NTPCR: variants seen among roughly 807,000 people sequenced by gnomAD.
The protein encoded by NTPCR is nucleoside-triphosphatase, cancer-related, also known as cancer-related nucleoside-triphosphatase.
A neutral mutation model predicts 19.5 loss-of-function variants in NTPCR; 15 were observed. That is an observed-to-expected ratio of 0.77 (90% CI 0.51 to 1.18). NTPCR has a LOEUF of 1.18. Ranked by LOEUF, NTPCR falls within the 50% of genes most tolerant of loss-of-function variation. The pLI, the probability that NTPCR is intolerant of heterozygous loss-of-function variation, is 0.00. For missense variants in NTPCR, 206 were observed against 240.4 expected, an observed-to-expected ratio of 0.86 and a Z score of 0.95; for synonymous variants, 90 against 95.8, an observed-to-expected ratio of 0.94 and a Z score of 0.36.
intron 1 of NTPCR, among the ~76,000 whole-genome samples, chr1:232,954,372 A>G (rs77891049): frequency 0.052 from 7,991 of 152,320 alleles, 261 homozygotes; most frequent in Middle Eastern, 0.13. Context: ...TTTTATGTCA[A>G]GGAGGCTTAA....
rs752625201 is a variant in NTPCR, at chr1:232,955,544, T to A, written c.35-13T>A. The A allele has an allele frequency of 3.0e-5, 45 of 1,494,084 alleles. No homozygotes were observed. The highest frequency in any genetic ancestry group is 4.9e-4 in the Middle Eastern group (2 of 4,104). The allele number at this position is 1,494,084 out of a possible 1,614,324, so 92.6% of individuals were successfully genotyped here. A position where few individuals can be genotyped will look rare whatever the true frequency, so the allele number is the denominator to read the frequency against. On this transcript the variant is annotated splice_polypyrimidine_tract_variant and intron_variant, in intron 1 of 4. Coordinates refer to ENST00000366628, the MANE Select transcript of NTPCR (RefSeq NM_032324.3). ...GGGCTTTTCTTCTTTTTTTTTTTTT[T>A]TTTTTATTTTAGGAGTTGGAAAAAC...
intron 4 of NTPCR, among the ~76,000 whole-genome samples, chr1:232,973,374 ATAGAG>A (rs752631050): frequency 1.1e-4 from 16 of 152,332 alleles, no homozygotes; most frequent in Admixed American, 3.9e-4. Flanking sequence ...TTTAGACAAG[ATAGAG>A]TAGACACACT....
chr1:232,955,683 C>A lies in NTPCR; in HGVS notation c.161C>A (p.Thr54Lys), dbSNP rs761777067. The A allele has an allele frequency of 5.6e-6, 9 of 1,613,956 alleles. No individual in the cohort carries two copies. The Admixed American group carries it at 1.2e-4, about 21-fold the overall frequency. Residue 54 changes from threonine to lysine, a missense_variant, in exon 2 of 5, where the codon ACG becomes AAG. By Grantham distance (78) the Thr-to-Lys change is moderately conservative (BLOSUM62 -1). Coordinates refer to ENST00000366628, the MANE Select transcript of NTPCR (RefSeq NM_032324.3). ...GGRRIGFDVV[T>K]LSGTRGPLSR... The stretch of plus-strand genomic sequence containing the variant: ...AGAAGAATAGGATTCGATGTCGTCA[C>A]GTTGTCCGGCACCCGGGGGCCTTTA...
intron 3 of NTPCR, among the ~76,000 whole-genome samples, chr1:232,959,857 A>G (rs1668620097): frequency 6.6e-6 from 1 of 152,084 alleles, no homozygotes; most frequent in Non-Finnish European, 1.5e-5. Flanking sequence ...AAAAATAAGA[A>G]AAAAGTACTT....
rs2102765348 is a variant in NTPCR at position 232,980,798 on chromosome 1, A to T, written c.*2567A>T. 6.6e-6 allele frequency: 1 copy of T among 152,348 alleles called. No homozygotes were observed. The highest frequency in any genetic ancestry group is 3.4e-3 in the Middle Eastern group (1 of 294). 9.4% of individuals were successfully genotyped at this position (152,348 alleles called of 1,614,324 possible). A position where few individuals can be genotyped will look rare whatever the true frequency, so the allele number is the denominator to read the frequency against. On this transcript the variant is annotated 3_prime_UTR_variant, in exon 5 of 5. Transcript: ENST00000366628. ...CACGCAGCCAGGATGAGAGGAGCAG[A>T]GCTGAGCGCCACCTCCCTGTCGGTG...
intron 4 of NTPCR, among the ~76,000 whole-genome samples, chr1:232,975,522 A>G (rs759682290): frequency 1.3e-5 from 2 of 152,202 alleles, no homozygotes; most frequent in Non-Finnish European, 2.9e-5. Flanking sequence ...CAAGAAAGCA[A>G]AACAAAACCA....
In NTPCR at chr1:232,980,533, G is replaced by C. The variant is rs1361243886; in HGVS notation, c.*2302G>C. On this transcript the variant is annotated 3_prime_UTR_variant, in exon 5 of 5. Coordinates refer to ENST00000366628, the MANE Select transcript of NTPCR (RefSeq NM_032324.3). ...ATCCAAAGAACGTTTAGTGTCTCTT[G>C]TGGTGAGGTCCTGAAATGATTGTTG... The C allele has an allele frequency of 6.6e-6, 1 of 152,204 alleles. No individual in the cohort carries two copies. The highest frequency in any genetic ancestry group is 1.5e-5 in the Non-Finnish European group (1 of 68,038). 9.4% of individuals were successfully genotyped at this position (152,204 alleles called of 1,614,324 possible). A position where few individuals can be genotyped will look rare whatever the true frequency, so the allele number is the denominator to read the frequency against.
chr1:232,969,853 G>T, intron 3 of NTPCR, 56 bp from the exon 4 acceptor site: 1 of 1,413,430 alleles, frequency 7.1e-7, no homozygotes. Flanking sequence ...TGGGACCCAT[G>T]GGCCCTTTGA....
At chr1:232,953,267 A>G (rs1668423294) in intron 1 of NTPCR, among the ~76,000 whole-genome samples, 1 of 152,226 alleles carries the variant, frequency 6.6e-6, no homozygotes, top group Non-Finnish European at 1.5e-5. Context: ...AACCAGAACC[A>G]AAATAATTCC....
chr1:232,967,138 G>A (rs1004250441), intron 3 of NTPCR: 2 of 151,948 alleles, frequency 1.3e-5, no homozygotes, highest in African/African-American at 2.4e-5. Flanking sequence ...ATGTAAAGGG[G>A]GTGAATGTTT....
In NTPCR at chr1:232,980,808, C is replaced by T. The variant is rs1229210559; in HGVS notation, c.*2577C>T. ...GGATGAGAGGAGCAGAGCTGAGCGC[C>T]ACCTCCCTGTCGGTGCCACGGCTGA... On this transcript the variant is annotated 3_prime_UTR_variant, in exon 5 of 5. Transcript: ENST00000366628. The T allele has an allele frequency of 6.6e-6, 1 of 152,256 alleles. No homozygotes were observed. Among genetic ancestry groups the T allele is most frequent in the African/African-American group, 2.4e-5 (1 of 41,434 alleles). 9.4% of individuals were successfully genotyped at this position (152,256 alleles called of 1,614,324 possible). A position where few individuals can be genotyped will look rare whatever the true frequency, so the allele number is the denominator to read the frequency against.
rs759544845 is a variant in NTPCR at position 232,950,738 on chromosome 1, C to T, written c.28C>T (p.Pro10Ser). 57 of 1,599,128 alleles carry T rather than the reference C, an allele frequency of 3.6e-5. No homozygotes were observed. Among genetic ancestry groups the T allele is most frequent in the East Asian group, 3.4e-4 (15 of 43,908 alleles). The change falls in exon 1 of 5, where the codon CCC (proline) becomes TCC (serine). Residue 10 changes from proline to serine, a missense_variant. Coordinates refer to ENST00000366628, the MANE Select transcript of NTPCR (RefSeq NM_032324.3). The part of the protein sequence containing the change: MARHVFLTG[P>S]PGVGKTTLIH... ...GGCCCGGCACGTGTTCCTAACGGGG[C>T]CCCCAGGTAACCCTGAGGGGATCCC...
At position 232,980,136 on chromosome 1, in the gene NTPCR, A is replaced by G. The variant is rs1669246443; in HGVS notation, c.*1905A>G. On this transcript the variant is annotated 3_prime_UTR_variant, in exon 5 of 5. Coordinates refer to ENST00000366628, the MANE Select transcript of NTPCR (RefSeq NM_032324.3). ...AAGAAAGCTGGTGAAGGTTATTTCA[A>G]AGTTAAATAGCTAGTCTGAGGGGCT... The G allele has an allele frequency of 6.6e-6, 1 of 152,218 alleles. No individual in the cohort carries two copies. Among genetic ancestry groups the G allele is most frequent in the African/African-American group, 2.4e-5 (1 of 41,462 alleles). 9.4% of individuals were successfully genotyped at this position (152,218 alleles called of 1,614,324 possible). A position where few individuals can be genotyped will look rare whatever the true frequency, so the allele number is the denominator to read the frequency against.
chr1:232,970,196 T>G, intron 4 of NTPCR, 78 bp downstream of exon 4: 34 of 1,204,832 alleles, frequency 2.8e-5, no homozygotes, highest in Non-Finnish European at 3.8e-5. Flanking sequence ...AAAATATCTC[T>G]TTGGTTTTGA....
chr1:232,967,420 A>G (rs1420018902), intron 3 of NTPCR: 4 of 152,210 alleles, frequency 2.6e-5, no homozygotes, highest in Non-Finnish European at 5.9e-5. Context: ...AAATTCCCCA[A>G]TTCTGGACAG....
chr1:232,962,738 A>T (rs1668700250), intron 3 of NTPCR: 1 of 152,208 alleles, frequency 6.6e-6, no homozygotes, highest in Non-Finnish European at 1.5e-5. Flanking sequence ...GAAAACCAAC[A>T]TAGTTTGAAC....
At chr1:232,962,406 C>T (rs1668691594) in intron 3 of NTPCR, 1 of 152,178 alleles carries the variant, frequency 6.6e-6, no homozygotes, top group Admixed American at 6.5e-5. Flanking sequence ...ATTCATAGGG[C>T]TCTCCTATTT....
Position 232,983,115 on chromosome 1 carries a change from C to T in NTPCR, c.*4884C>T, listed in dbSNP as rs1669324397. On this transcript the variant is annotated 3_prime_UTR_variant, in exon 5 of 5. Transcript: ENST00000366628. ...GCATTACCATTTACTTTCCAAGGGG[C>T]AAGAGATTCTCTACAATACCCTTCC... 1 of 152,102 alleles carries T rather than the reference C, an allele frequency of 6.6e-6. No individual in the cohort carries two copies. The highest frequency in any genetic ancestry group is 1.5e-5 in the Non-Finnish European group (1 of 68,002). 9.4% of individuals were successfully genotyped at this position (152,102 alleles called of 1,614,324 possible).
Position 232,970,321 on chromosome 1 carries a change from C to A in NTPCR, c.504+203C>A, listed in dbSNP as rs547905180. Among the ~76,000 whole-genome samples, 3 of 152,244 alleles carry A rather than the reference C, an allele frequency of 2.0e-5. No homozygotes were observed. In the South Asian group the frequency reaches 6.2e-4, roughly 32 times the overall value. ...AAAAACAAACTCGCTTATGGGGGGGCCTCCTGACGGTCCCAGTTGTTCTGG... is the reference window on the plus strand; with the variant it reads ...AAAAACAAACTCGCTTATGGGGGGGACTCCTGACGGTCCCAGTTGTTCTGG... On this transcript the variant is annotated intron_variant, in intron 4 of 4. Transcript: ENST00000366628.
Sources: allele counts gnomAD v4.1 joint callset (sites outside exome capture counted in the v4.1 genomes callset), GRCh38; gene constraint gnomAD v4.1.1; transcripts MANE v1.5; gene names NCBI Gene and HGNC (gene_info 2026-07-23, HGNC 2026-07-21).